Variants in SEMA3A observed in about 807,000 individuals in gnomAD.
SEMA3A encodes the protein semaphorin-3A.
A neutral mutation model predicts 97.9 loss-of-function variants in SEMA3A; 29 were observed. That is an observed-to-expected ratio of 0.30 (90% CI 0.22 to 0.40). The LOEUF is 0.40. Among genes scored for constraint, SEMA3A ranks in the 10% least tolerant of loss-of-function variants. The pLI, the probability that SEMA3A is intolerant of heterozygous loss-of-function variation, is 1.00. For missense variants in SEMA3A, 763 were observed against 951.3 expected, an observed-to-expected ratio of 0.80 and a Z score of 2.60; for synonymous variants, 321 against 323.7, an observed-to-expected ratio of 0.99 and a Z score of 0.09.
chr7:84,334,768 C>G (rs762098923), intron 2 of SEMA3A, among the ~76,000 whole-genome samples: 1 of 151,116 alleles, frequency 6.6e-6, no homozygotes, highest in African/African-American at 2.4e-5. Context: ...CCTCCATCTT[C>G]TCTCTTGTTT....
intron 1 of SEMA3A, among the ~76,000 whole-genome samples, chr7:84,141,731 A>G (rs1303305352): frequency 6.6e-6 from 1 of 151,770 alleles, no homozygotes; most frequent in African/African-American, 2.4e-5. Flanking sequence ...GTTCCCCTCT[A>G]TGTGTCCATG....
chr7:84,295,361 C>T (rs73185139), intron 3 of SEMA3A, among the ~76,000 whole-genome samples: 2 of 151,972 alleles, frequency 1.3e-5, no homozygotes, highest in Non-Finnish European at 2.9e-5. Flanking sequence ...TAAAGATTTC[C>T]GTCATTCACA....
intron 3 of SEMA3A, among the ~76,000 whole-genome samples, chr7:84,275,677 C>G (rs981706955): frequency 1.3e-5 from 2 of 151,898 alleles, no homozygotes; most frequent in African/African-American, 4.8e-5. Flanking sequence ...AATCCTAGCC[C>G]TGTGCTCTTT....
At chr7:84,314,347 A>G (rs1192040890) in intron 2 of SEMA3A, among the ~76,000 whole-genome samples, 1 of 152,130 alleles carries the variant, frequency 6.6e-6, no homozygotes, top group Non-Finnish European at 1.5e-5. Flanking sequence ...TCCGTGCAAT[A>G]GGATTACACT....
chr7:84,025,015 AG>A (rs1340692914), intron 6 of SEMA3A, among the ~76,000 whole-genome samples: 2 of 152,140 alleles, frequency 1.3e-5, no homozygotes, highest in Non-Finnish European at 2.9e-5. Context: ...TGAACTCAGG[AG>A]GCGGAGGTTG....
chr7:84,354,259 G>C (rs965461835), intron 2 of SEMA3A, among the ~76,000 whole-genome samples: 9 of 151,552 alleles, frequency 5.9e-5, no homozygotes, highest in African/African-American at 2.2e-4. Context: ...AGATAAGTCA[G>C]ACCAAATTTC....
intron 10 of SEMA3A, among the ~76,000 whole-genome samples, chr7:84,006,282 T>G (rs535992607): frequency 6.6e-6 from 1 of 152,278 alleles, no homozygotes; most frequent in South Asian, 2.1e-4. Flanking sequence ...AATTCTCTTT[T>G]CAAACTGAAA....
intron 4 of SEMA3A, among the ~76,000 whole-genome samples, chr7:84,081,257 C>T (rs1301449494): frequency 1.3e-5 from 2 of 151,726 alleles, no homozygotes; most frequent in African/African-American, 2.4e-5. Context: ...TGTTTTCTAG[C>T]TGTCTAGGCA....
intron 2 of SEMA3A, 49 bp downstream of exon 2, chr7:84,134,745 C>T (rs1465657656): frequency 2.2e-6 from 3 of 1,346,982 alleles, no homozygotes; most frequent in Non-Finnish European, 3.0e-6. Context: ...TTATCTATAA[C>T]TTGAGATGCT....
At chr7:84,475,551 C>T (rs1246977849) in intron 1 of SEMA3A, among the ~76,000 whole-genome samples, 1 of 152,256 alleles carries the variant, frequency 6.6e-6, no homozygotes, top group South Asian at 2.1e-4. Context: ...AATATGATCA[C>T]AAAATGAATT....
chr7:83,957,196 C>G lies in SEMA3A; in HGVS notation c.*4175G>C, dbSNP rs1365028069. On this transcript the variant is annotated 3_prime_UTR_variant, in exon 17 of 17. Coordinates refer to ENST00000265362, the MANE Select transcript of SEMA3A (RefSeq NM_006080.3). Reference sequence around the variant, plus strand: ...CACAGGTTTAGCATAGAGAAGGTCCCTAGCTTGAACTAGGGATGGGAGGAT... The same window carrying G: ...CACAGGTTTAGCATAGAGAAGGTCCGTAGCTTGAACTAGGGATGGGAGGAT... 1.3e-5 allele frequency: 2 copies of G among 152,076 alleles called. No homozygotes were observed. Among genetic ancestry groups the G allele is most frequent in the Non-Finnish European group, 2.9e-5 (2 of 67,986 alleles). The allele number at this position is 152,076 out of a possible 1,614,324, so 9.4% of individuals were successfully genotyped here.
chr7:84,214,865 A>AT (rs1562856027), intron 3 of SEMA3A, among the ~76,000 whole-genome samples: 2 of 150,340 alleles, frequency 1.3e-5, no homozygotes, highest in African/African-American at 2.5e-5. Flanking sequence ...CACCCAGCTA[A>AT]TTTTTTTGTA....
intron 1 of SEMA3A, among the ~76,000 whole-genome samples, chr7:84,410,329 T>G (rs188149262): frequency 6.6e-6 from 1 of 152,216 alleles, no homozygotes; most frequent in African/African-American, 2.4e-5. Context: ...CAGGGGGTCA[T>G]TTTCTTCTAT....
At chr7:84,207,313 G>A (rs760029326) in intron 3 of SEMA3A, among the ~76,000 whole-genome samples, 4 of 152,126 alleles carry the variant, frequency 2.6e-5, no homozygotes, top group Admixed American at 6.5e-5. Context: ...GACAAAGCTG[G>A]CTGTCAAAAC....
intron 3 of SEMA3A, among the ~76,000 whole-genome samples, chr7:84,229,760 T>A (rs1377045406): frequency 1.3e-5 from 2 of 152,210 alleles, no homozygotes; most frequent in East Asian, 1.9e-4. Flanking sequence ...CTATTATCTC[T>A]GGTATACTTC....
chr7:84,217,163 C>T (rs10279272), intron 3 of SEMA3A, among the ~76,000 whole-genome samples: 3,215 of 152,226 alleles, frequency 0.021, 113 homozygotes, highest in African/African-American at 0.073. Context: ...CAATGGTTAA[C>T]GCAGAAAGGA....
rs145587362 is a variant in SEMA3A at position 84,229,638 on chromosome 7, G to A, written c.-82-34970C>T. ...ATATCAATGTTAGTTCATAATGAAA[G>A]GTTTTCTGTAGAGTAGAAACAAAAT... is the stretch of plus-strand genomic sequence containing the variant. On this transcript the variant is annotated intron_variant, in intron 3 of 3. Coordinates refer to the SEMA3A transcript ENST00000424555. Among the ~76,000 whole-genome samples the A allele has an allele frequency of 4.2e-3, 638 of 151,926 alleles. 5 individuals carry two copies. Among genetic ancestry groups the A allele is most frequent in the African/African-American group, 0.014 (590 of 41,452 alleles).
At chr7:83,993,874 T>C (rs1790077586) in intron 12 of SEMA3A, among the ~76,000 whole-genome samples, 1 of 132,018 alleles carries the variant, frequency 7.6e-6, no homozygotes, top group African/African-American at 2.9e-5. Context: ...CCTTGCTAGA[T>C]TGGGGAAGTT....
chr7:84,106,030 C>A (rs1204110951), intron 4 of SEMA3A, among the ~76,000 whole-genome samples: 1 of 152,108 alleles, frequency 6.6e-6, no homozygotes, highest in Non-Finnish European at 1.5e-5. Context: ...TACCAATTCC[C>A]AAATGTACCA....
Sources: gnomAD v4.1 joint callset for allele counts (sites outside exome capture counted in the v4.1 genomes callset) on GRCh38, gnomAD v4.1.1 for gene constraint, MANE v1.5 for transcripts, NCBI Gene and HGNC (gene_info 2026-07-23, HGNC 2026-07-21) for gene names.